IL1RAPL1: variants seen among roughly 807,000 people sequenced by gnomAD.
IL1RAPL1 encodes the protein interleukin-1 receptor accessory protein-like 1.
IL1RAPL1 carries 3 observed loss-of-function variants against 48.4 expected under a neutral mutation model. The ratio of observed to expected loss-of-function variants is 0.06; its 90% CI spans 0.03 to 0.16. The LOEUF (loss-of-function observed/expected upper bound fraction) is 0.16, where lower values mean the gene tolerates loss of function less well. Ranked by LOEUF, IL1RAPL1 falls within the 10% of genes least tolerant of loss-of-function variation. The pLI, the probability that IL1RAPL1 is intolerant of heterozygous loss-of-function variation, is 1.00. For synonymous variants in IL1RAPL1, 185 were observed against 187.7 expected, an observed-to-expected ratio of 0.99 and a Z score of 0.12; for missense variants, 349 against 530.6, an observed-to-expected ratio of 0.66 and a Z score of 3.36.
chrX:29,453,177 G>A (rs901071153), intron 5 of IL1RAPL1, among the ~76,000 whole-genome samples: 8 of 109,334 alleles, frequency 7.3e-5, no homozygotes, highest in South Asian at 4.0e-4. Flanking sequence ...CCGCCACCTC[G>A]GCCTCCCAAA....
intron 2 of IL1RAPL1, among the ~76,000 whole-genome samples, chrX:29,117,436 A>T: frequency 1.8e-5 from 2 of 112,446 alleles, no homozygotes; most frequent in Non-Finnish European, 3.8e-5. Context: ...TGATTTAAAA[A>T]TTCCAGCAAT....
chrX:29,628,349 T>A (rs911305497), intron 5 of IL1RAPL1, among the ~76,000 whole-genome samples: 5 of 112,057 alleles, frequency 4.5e-5, no homozygotes, highest in African/African-American at 1.6e-4. Context: ...TGTGTCTTCT[T>A]GGATTACAGG....
intron 6 of IL1RAPL1, among the ~76,000 whole-genome samples, chrX:29,848,785 A>G (rs1291036401): frequency 9.0e-6 from 1 of 110,818 alleles, no homozygotes; most frequent in Non-Finnish European, 1.9e-5. Flanking sequence ...TTTTATTTTG[A>G]GACAGAGTCT....
intron 6 of IL1RAPL1, among the ~76,000 whole-genome samples, chrX:29,690,598 T>A (rs759786845): frequency 1.8e-5 from 2 of 111,245 alleles, no homozygotes; most frequent in South Asian, 3.7e-4. Flanking sequence ...TAATGGAATT[T>A]AAAAAAAAAT....
chrX:29,919,571 A>C (rs12388789), intron 7 of IL1RAPL1, among the ~76,000 whole-genome samples: 4,020 of 112,550 alleles, frequency 0.036, 85 homozygotes, highest in African/African-American at 0.072. Context: ...TAAAAAATTA[A>C]CCTGACATGT....
intron 2 of IL1RAPL1, among the ~76,000 whole-genome samples, chrX:28,880,617 A>G (rs919913251): frequency 3.6e-5 from 4 of 112,211 alleles, no homozygotes; most frequent in Non-Finnish European, 7.5e-5. Context: ...GGTAACTTTT[A>G]ATACTGTTTC....
At chrX:28,686,864 A>G (rs1223882102) in intron 1 of IL1RAPL1, among the ~76,000 whole-genome samples, 1 of 112,024 alleles carries the variant, frequency 8.9e-6, no homozygotes, top group Non-Finnish European at 1.9e-5. Flanking sequence ...ATCTGGAGCA[A>G]TTGATGATAT....
At chrX:29,393,640 T>C (rs1200567198) in intron 3 of IL1RAPL1, among the ~76,000 whole-genome samples, 1 of 111,197 alleles carries the variant, frequency 9.0e-6, no homozygotes, top group East Asian at 2.8e-4. Context: ...CTAAGACTCT[T>C]GTGTCTAAAC....
chrX:28,694,745 A>T (rs1352000978), intron 1 of IL1RAPL1, among the ~76,000 whole-genome samples: 1 of 112,209 alleles, frequency 8.9e-6, no homozygotes, highest in Middle Eastern at 4.6e-3. Flanking sequence ...CAATCCAGCT[A>T]CACCCACATC....
intron 6 of IL1RAPL1, among the ~76,000 whole-genome samples, chrX:29,811,856 A>T (rs1930387853): frequency 8.9e-6 from 1 of 112,158 alleles, no homozygotes; most frequent in Admixed American, 9.5e-5. Context: ...AGTCTTCTAC[A>T]TGGAAAATTC....
At chrX:29,424,432 T>C (rs1362703197) in intron 5 of IL1RAPL1, among the ~76,000 whole-genome samples, 1 of 111,072 alleles carries the variant, frequency 9.0e-6, no homozygotes, top group Non-Finnish European at 1.9e-5. Flanking sequence ...AGGGGGCTAT[T>C]AAGAGGGATT....
chrX:29,882,488 A>C (rs1368994431), intron 6 of IL1RAPL1, among the ~76,000 whole-genome samples: 1 of 111,752 alleles, frequency 8.9e-6, no homozygotes, highest in Non-Finnish European at 1.9e-5. Flanking sequence ...TCTACATCAA[A>C]TGTCAACAGT....
At chrX:28,594,467 T>A in intron 1 of IL1RAPL1, among the ~76,000 whole-genome samples, 1 of 112,200 alleles carries the variant, frequency 8.9e-6, no homozygotes, top group Non-Finnish European at 1.9e-5. Flanking sequence ...CAAAATCTCA[T>A]AAAAACCTAA....
chrX:29,411,146 G>T (rs778439188), intron 5 of IL1RAPL1, among the ~76,000 whole-genome samples: 2 of 111,825 alleles, frequency 1.8e-5, no homozygotes, highest in African/African-American at 6.5e-5. Context: ...GATTACTTGA[G>T]GCCAAGAGTT....
intron 5 of IL1RAPL1, among the ~76,000 whole-genome samples, chrX:29,664,009 A>G (rs1418487111): frequency 8.9e-6 from 1 of 112,416 alleles, no homozygotes; most frequent in Non-Finnish European, 1.9e-5. Flanking sequence ...TAAGTAATTT[A>G]TCCAACTTGC....
chrX:29,175,159 C>T (rs940841063), intron 2 of IL1RAPL1, among the ~76,000 whole-genome samples: 2 of 110,088 alleles, frequency 1.8e-5, no homozygotes, highest in Non-Finnish European at 3.8e-5. Context: ...AAAAACCTCA[C>T]GCTCAAAATG....
chrX:29,446,422 T>C (rs773955493), intron 5 of IL1RAPL1, among the ~76,000 whole-genome samples: 13 of 111,937 alleles, frequency 1.2e-4, no homozygotes, highest in African/African-American at 3.9e-4. Context: ...ATACTTAGAC[T>C]GTTCTGTTTA....
chrX:28,823,102 G>A (rs1936955302), intron 2 of IL1RAPL1, among the ~76,000 whole-genome samples: 1 of 111,354 alleles, frequency 9.0e-6, no homozygotes, highest in Admixed American at 9.5e-5. Context: ...AATACCTCTT[G>A]AGATTTCTAT....
chrX:28,603,316 A>G (rs900662352), intron 1 of IL1RAPL1, among the ~76,000 whole-genome samples: 13 of 111,784 alleles, frequency 1.2e-4, no homozygotes, highest in Admixed American at 1.1e-3. Flanking sequence ...TTGCGGAAAT[A>G]CTGTGAGGTA....
Sources: allele counts gnomAD v4.1 joint callset (sites outside exome capture counted in the v4.1 genomes callset), GRCh38; gene constraint gnomAD v4.1.1; transcripts MANE v1.5; gene names NCBI Gene and HGNC (gene_info 2026-07-23, HGNC 2026-07-21).